Variants in MAP2 observed in about 807,000 individuals in gnomAD.
MAP2 encodes microtubule-associated protein 2.
MAP2 carries 14 observed loss-of-function variants against 137.6 expected under a neutral mutation model. The ratio of observed to expected loss-of-function variants is 0.10; its 90% CI spans 0.07 to 0.16. The LOEUF (loss-of-function observed/expected upper bound fraction) is 0.16, where lower values mean the gene tolerates loss of function less well. Ranked by LOEUF, MAP2 falls within the 10% of genes least tolerant of loss-of-function variation. The probability of loss-of-function intolerance (pLI) is 1.00; values close to 1 mark genes in which losing one functional copy is unlikely to be tolerated. For missense variants in MAP2, 2,088 were observed against 2,191.5 expected (o/e 0.95, Z 0.94); for synonymous variants, 786 against 782.3 (o/e 1.00, Z -0.08).
chr2:209,678,508 C>CTTTTCCTCTT, intron 5 of MAP2, 64 bp from the exon 6 acceptor site: 5 of 799,624 alleles, frequency 6.3e-6, no homozygotes, highest in Non-Finnish European at 9.9e-6. Context: ...TGTTTGGTTA[C>CTTTTCCTCTT]TTTTCCTCTT....
chr2:209,437,269 A>G (rs1050329522), intron 1 of MAP2, among the ~76,000 whole-genome samples: 2 of 151,612 alleles, frequency 1.3e-5, no homozygotes, highest in Admixed American at 1.3e-4. Context: ...AACCCTCTCA[A>G]CTTTAGTGGT....
chr2:209,495,811 T>C (rs1397668068), intron 1 of MAP2, among the ~76,000 whole-genome samples: 1 of 152,234 alleles, frequency 6.6e-6, no homozygotes, highest in Admixed American at 6.5e-5. Flanking sequence ...CTATAATTGT[T>C]GTTTTGTATT....
chr2:209,476,443 G>A (rs1707256931), intron 1 of MAP2, among the ~76,000 whole-genome samples: 1 of 142,798 alleles, frequency 7.0e-6, no homozygotes, highest in Admixed American at 7.2e-5. Flanking sequence ...AATTCAGGCT[G>A]TAATTTAGGA....
At chr2:209,650,748 G>T (rs1186340969) in intron 4 of MAP2, among the ~76,000 whole-genome samples, 1 of 152,120 alleles carries the variant, frequency 6.6e-6, no homozygotes, top group Non-Finnish European at 1.5e-5. Context: ...TGTATGCAAG[G>T]GGTAGATGGG....
rs1246036838 is a variant in MAP2 at position 209,693,531 on chromosome 2, A to G, written c.1361A>G (p.Glu454Gly). Reference sequence around the variant, plus strand: ...GAAAAAACCACCATTTCTGACAAAGAAGCTGTGCCAAAAGAGAGTAAACCC... The same window carrying G: ...GAAAAAACCACCATTTCTGACAAAGGAGCTGTGCCAAAAGAGAGTAAACCC... Reference protein sequence around the residue: ...LEEKTTISDKEAVPKESKPPK... With the variant: ...LEEKTTISDKGAVPKESKPPK... The change falls in exon 8 of 16, where the codon GAA becomes GGA. Residue 454 changes from glutamate (E) to glycine (G), a missense_variant. Physicochemically the swap from Glu to Gly is moderately conservative, Grantham distance 98. Transcript: ENST00000682079. 1 of 1,610,910 alleles carries G rather than the reference A, an allele frequency of 6.2e-7. No individual in the cohort carries two copies. The highest frequency in any genetic ancestry group is 2.2e-5 in the East Asian group (1 of 44,864).
chr2:209,620,919 G>C (rs1296776034), intron 3 of MAP2, among the ~76,000 whole-genome samples: 1 of 152,096 alleles, frequency 6.6e-6, no homozygotes, highest in Non-Finnish European at 1.5e-5. Context: ...CGGAGGCCAG[G>C]CTTGGTGGCT....
At chr2:209,628,531 T>C (rs2092652482) in intron 4 of MAP2, among the ~76,000 whole-genome samples, 1 of 152,122 alleles carries the variant, frequency 6.6e-6, no homozygotes, top group South Asian at 2.1e-4. Flanking sequence ...CTCTCATGTT[T>C]ACTACTATCA....
intron 2 of MAP2, among the ~76,000 whole-genome samples, chr2:209,534,520 T>C (rs1339784920): frequency 6.6e-6 from 1 of 152,232 alleles, no homozygotes; most frequent in Non-Finnish European, 1.5e-5. Flanking sequence ...TTTCAAATTA[T>C]TGTACCAAGG....
intron 1 of MAP2, among the ~76,000 whole-genome samples, chr2:209,501,372 T>A (rs1040271601): frequency 6.6e-6 from 1 of 152,178 alleles, no homozygotes; most frequent in Non-Finnish European, 1.5e-5. Context: ...TATTTGAGTT[T>A]GACATAGGCT....
At chr2:209,647,625 A>C (rs1236141425) in intron 4 of MAP2, among the ~76,000 whole-genome samples, 2 of 152,234 alleles carry the variant, frequency 1.3e-5, no homozygotes, top group Non-Finnish European at 1.5e-5. Flanking sequence ...CATCATTGGA[A>C]TCAAAGGTTA....
chr2:209,450,002 C>T (rs370993369), intron 1 of MAP2, among the ~76,000 whole-genome samples: 3 of 152,074 alleles, frequency 2.0e-5, no homozygotes, highest in African/African-American at 4.8e-5. Context: ...AGTGCAGTGG[C>T]GCAATCTCAT....
chr2:209,479,058 C>T (rs1708098431), intron 1 of MAP2, among the ~76,000 whole-genome samples: 2 of 152,110 alleles, frequency 1.3e-5, no homozygotes, highest in Non-Finnish European at 2.9e-5. Context: ...ATATTCATTT[C>T]TAATGTGTTA....
chr2:209,667,686 A>G (rs1361225474), intron 5 of MAP2, among the ~76,000 whole-genome samples: 1 of 151,900 alleles, frequency 6.6e-6, no homozygotes, highest in South Asian at 2.1e-4. Context: ...GGGCCTTTTA[A>G]TGAAATCTGA....
intron 3 of MAP2, among the ~76,000 whole-genome samples, chr2:209,620,171 CTAAT>C (rs2090708053): frequency 6.6e-6 from 1 of 152,136 alleles, no homozygotes; most frequent in Non-Finnish European, 1.5e-5. Context: ...TCTGACTAAT[CTAAT>C]TGTTTATCCT....
At chr2:209,503,565 A>G (rs1014931441) in intron 1 of MAP2, among the ~76,000 whole-genome samples, 1 of 151,882 alleles carries the variant, frequency 6.6e-6, no homozygotes, top group Non-Finnish European at 1.5e-5. Flanking sequence ...TTTTCATTCC[A>G]TTTTGGGTTG....
chr2:209,712,433 A>T (rs896863853), intron 13 of MAP2, among the ~76,000 whole-genome samples: 1 of 152,176 alleles, frequency 6.6e-6, no homozygotes, highest in African/African-American at 2.4e-5. Context: ...GCAAGTGTTA[A>T]CCTGCTACAA....
At chr2:209,469,698 C>G (rs889213547) in intron 1 of MAP2, among the ~76,000 whole-genome samples, 1 of 152,124 alleles carries the variant, frequency 6.6e-6, no homozygotes, top group Non-Finnish European at 1.5e-5. Context: ...CCTCCATACA[C>G]CCACAGGAAT....
At chr2:209,466,249 G>A (rs1035144381) in intron 1 of MAP2, among the ~76,000 whole-genome samples, 3 of 152,082 alleles carry the variant, frequency 2.0e-5, no homozygotes, top group African/African-American at 7.2e-5. Flanking sequence ...TCTAGTATTA[G>A]CTTTTGATTA....
chr2:209,583,178 T>TATCTATCTATCTATCTATC (rs1409068027), intron 3 of MAP2, among the ~76,000 whole-genome samples: 2 of 151,864 alleles, frequency 1.3e-5, no homozygotes. Context: ...TCTATCTATC[T>TATCTATCTATCTATCTATC]ATCTATCTGT....
Sources: allele counts gnomAD v4.1 joint callset (sites outside exome capture counted in the v4.1 genomes callset), GRCh38; gene constraint gnomAD v4.1.1; transcripts MANE v1.5; gene names NCBI Gene and HGNC (gene_info 2026-07-23, HGNC 2026-07-21).